Variants in ZBTB10 observed in about 807,000 individuals in gnomAD.
The protein encoded by ZBTB10 is zinc finger and BTB domain-containing protein 10.
In ZBTB10, 32 loss-of-function variants were observed where a neutral mutation model predicts 76.4. The observed-to-expected ratio is 0.42, with a 90% CI of 0.32 to 0.56. ZBTB10 has a LOEUF of 0.56. Among genes scored for constraint, ZBTB10 ranks in the 20% least tolerant of loss-of-function variants. ZBTB10 has a pLI of 0.14. For missense variants in ZBTB10, 1,057 were observed against 1,098.5 expected (o/e 0.96, Z 0.53); for synonymous variants, 523 against 432.9 (o/e 1.21, Z -2.58).
intron 1 of ZBTB10, among the ~76,000 whole-genome samples, chr8:80,488,402 C>T (rs900606731): frequency 7.2e-5 from 11 of 152,290 alleles, no homozygotes; most frequent in African/African-American, 2.2e-4. Flanking sequence ...CTTACTACGG[C>T]TTGGTTTTGG....
Position 80,519,311 on chromosome 8 carries a change from G to A in ZBTB10, c.2399G>A (p.Arg800Gln). The A allele has an allele frequency of 6.2e-7, 1 of 1,613,784 alleles. No individual in the cohort carries two copies. The highest frequency in any genetic ancestry group is 8.5e-7 in the Non-Finnish European group (1 of 1,179,806). The change falls in exon 6 of 6, where the codon CGA becomes CAA. Residue 800 changes from arginine to glutamine, a missense_variant. Coordinates refer to ENST00000455036, the MANE Select transcript of ZBTB10 (RefSeq NM_001105539.3). The part of the protein sequence containing the change: ...AASVGIRHGS[R>Q]RYGVCVDCAD... ...AGTGTTGGAATAAGACATGGATCTC[G>A]ACGTTATGGTGTTTGTGTAGACTGT...
At chr8:80,496,589 G>A (rs907306874) in intron 1 of ZBTB10, among the ~76,000 whole-genome samples, 1 of 152,076 alleles carries the variant, frequency 6.6e-6, no homozygotes, top group African/African-American at 2.4e-5. Context: ...ATATTTTGGT[G>A]GATAGGCTTT....
intron 3 of ZBTB10, among the ~76,000 whole-genome samples, chr8:80,515,369 A>G (rs953681788): frequency 6.6e-6 from 1 of 152,226 alleles, no homozygotes; most frequent in Admixed American, 6.5e-5. Flanking sequence ...TACTAAGAGT[A>G]GTCGTGGGCT....
chr8:80,516,140 C>T (rs1816320205), intron 3 of ZBTB10, among the ~76,000 whole-genome samples: 1 of 152,120 alleles, frequency 6.6e-6, no homozygotes, highest in East Asian at 1.9e-4. Context: ...CCCAGGCTGG[C>T]CTGAATCTCA....
chr8:80,520,890 A>C lies in ZBTB10; in HGVS notation c.*1362A>C. 1 of 151,974 alleles carries C rather than the reference A, an allele frequency of 6.6e-6. No homozygotes were observed. The highest frequency in any genetic ancestry group is 1.9e-4 in the East Asian group (1 of 5,204). 9.4% of individuals were successfully genotyped at this position (151,974 alleles called of 1,614,324 possible). A position where few individuals can be genotyped will look rare whatever the true frequency, so the allele number is the denominator to read the frequency against. On this transcript the variant is annotated 3_prime_UTR_variant, in exon 6 of 6. Coordinates refer to ENST00000455036, the MANE Select transcript of ZBTB10 (RefSeq NM_001105539.3). ...ATTGTGGAACTCTCAGCAGCATTTCACGTATTGTTAACATGTATGGCATTT... is the reference window on the plus strand; with the variant it reads ...ATTGTGGAACTCTCAGCAGCATTTCCCGTATTGTTAACATGTATGGCATTT...
chr8:80,511,841 A>G (rs1386451970), intron 2 of ZBTB10, among the ~76,000 whole-genome samples: 1 of 152,204 alleles, frequency 6.6e-6, no homozygotes, highest in Non-Finnish European at 1.5e-5. Flanking sequence ...TCAAGCCAGC[A>G]TTTAACTCTA....
In ZBTB10 at chr8:80,487,180, G is replaced by T; in HGVS notation, c.370G>T (p.Ala124Ser). 6.5e-7 allele frequency: 1 copy of T among 1,536,326 alleles called. No homozygotes were observed. ...LLAERNRRTL[A>S]FRGGGGGGLG... The stretch of plus-strand genomic sequence containing the variant: ...AGCGGAAAGGAACCGTCGGACTCTG[G>T]CCTTCCGAGGCGGCGGCGGCGGGGG... The change falls in exon 1 of 6, where the codon GCC (alanine) becomes TCC (serine). Residue 124 changes from alanine (A) to serine (S), a missense_variant. Transcript: ENST00000455036.
chr8:80,515,373 G>A (rs912460424), intron 3 of ZBTB10, among the ~76,000 whole-genome samples: 4 of 152,140 alleles, frequency 2.6e-5, no homozygotes, highest in Non-Finnish European at 5.9e-5. Flanking sequence ...AAGAGTAGTC[G>A]TGGGCTCTGA....
Position 80,501,972 on chromosome 8 carries a change from C to G in ZBTB10, c.1861+1590C>G, listed in dbSNP as rs544849658. Among the ~76,000 whole-genome samples the G allele has an allele frequency of 3.3e-5, 5 of 152,298 alleles. No homozygotes were observed. In the South Asian group the frequency reaches 1.0e-3, roughly 32 times the overall value. On this transcript the variant is annotated intron_variant, in intron 2 of 5. Coordinates refer to ENST00000455036, the MANE Select transcript of ZBTB10 (RefSeq NM_001105539.3). The stretch of plus-strand genomic sequence containing the variant: ...CCTGTAGTGTTTTTAAATACACACA[C>G]TTTTCCTTAAAGGAATAAATAACAT...
chr8:80,486,119 CAGCCCAGCCCCA>C (rs1171229094), upstream of ZBTB10: 23 of 476,644 alleles, frequency 4.8e-5, no homozygotes, highest in African/African-American at 8.7e-5. Flanking sequence ...CACCCCACCC[CAGCCCAGCCCCA>C]AGCCCAGCCC....
At chr8:80,489,927 A>G (rs1358404466) in intron 1 of ZBTB10, among the ~76,000 whole-genome samples, 4 of 152,218 alleles carry the variant, frequency 2.6e-5, no homozygotes, top group African/African-American at 4.8e-5. Context: ...ACTAATCTTG[A>G]GGGGATATCT....
rs112708810 is a variant in ZBTB10, at chr8:80,503,036, G to A, written c.1861+2654G>A. Among the ~76,000 whole-genome samples, 17 of 152,206 alleles carry A rather than the reference G, an allele frequency of 1.1e-4. 2 individuals carry two copies. The highest frequency in any genetic ancestry group is 2.9e-4 in the African/African-American group (12 of 41,520). On this transcript the variant is annotated intron_variant, in intron 2 of 5. Coordinates refer to ENST00000455036, the MANE Select transcript of ZBTB10 (RefSeq NM_001105539.3). Reference sequence around the variant, plus strand: ...TAAAGTTCTACAGGTAATTTTATGAGTTAAGGCTGAGATCAGCAAATATTA... The same window carrying A: ...TAAAGTTCTACAGGTAATTTTATGAATTAAGGCTGAGATCAGCAAATATTA...
At chr8:80,502,704 A>G (rs1255845748) in intron 2 of ZBTB10, among the ~76,000 whole-genome samples, 1 of 151,364 alleles carries the variant, frequency 6.6e-6, no homozygotes, top group Non-Finnish European at 1.5e-5. Flanking sequence ...AGAACCAAGG[A>G]CTGGTAAATT....
At chr8:80,518,288 A>G in intron 3 of ZBTB10, 115 bp from the exon 4 acceptor site, 1 of 1,000,546 alleles carries the variant, frequency 1.0e-6, no homozygotes, top group Non-Finnish European at 1.4e-6. Flanking sequence ...TTTAACTCAT[A>G]CTATGAAATT....
chr8:80,499,357 C>T (rs1815864942), intron 1 of ZBTB10, 137 bp from the exon 2 acceptor site: 6 of 930,244 alleles, frequency 6.4e-6, no homozygotes, highest in Non-Finnish European at 9.1e-6. Context: ...CACCACTGTT[C>T]ACTCCATTTC....
intron 1 of ZBTB10, among the ~76,000 whole-genome samples, chr8:80,497,473 G>T (rs368186231): frequency 4.2e-5 from 3 of 71,230 alleles, no homozygotes; most frequent in East Asian, 3.7e-4. Context: ...ATTATATGGT[G>T]GGGGGGGGCA....
In ZBTB10 at chr8:80,523,065, G is replaced by C. The variant is rs949290800; in HGVS notation, c.*3537G>C. On this transcript the variant is annotated 3_prime_UTR_variant, in exon 6 of 6. Coordinates refer to ENST00000455036, the MANE Select transcript of ZBTB10 (RefSeq NM_001105539.3). ...TTTTTGAGTGCCCACACTTGCCGTT[G>C]TGCTGTATACATGATTTTACCTTAA... 6 of 151,512 alleles carry C rather than the reference G, an allele frequency of 4.0e-5. No homozygotes were observed. Among genetic ancestry groups the C allele is most frequent in the Admixed American group, 2.0e-4 (3 of 15,144 alleles). The allele number at this position is 151,512 out of a possible 1,614,324, so 9.4% of individuals were successfully genotyped here.
intron 1 of ZBTB10, among the ~76,000 whole-genome samples, chr8:80,496,374 T>C (rs2131483867): frequency 6.6e-6 from 1 of 151,386 alleles, no homozygotes; most frequent in Admixed American, 6.6e-5. Context: ...GGTTTCTTTT[T>C]TTTTTTTTTT....
intron 1 of ZBTB10, among the ~76,000 whole-genome samples, chr8:80,496,515 GAAAA>G (rs548402094): frequency 6.7e-6 from 1 of 150,242 alleles, no homozygotes; most frequent in Admixed American, 6.6e-5. Context: ...ATAGTAATGA[GAAAA>G]AAAAATAGTG....
Sources: allele counts gnomAD v4.1 joint callset (sites outside exome capture counted in the v4.1 genomes callset), GRCh38; gene constraint gnomAD v4.1.1; transcripts MANE v1.5; gene names NCBI Gene and HGNC (gene_info 2026-07-23, HGNC 2026-07-21).